Variants in MGRN1 observed in about 807,000 individuals in gnomAD.
MGRN1 encodes the protein mahogunin ring finger 1.
A neutral mutation model predicts 69.2 loss-of-function variants in MGRN1; 29 were observed. That is an observed-to-expected ratio of 0.42 (90% confidence interval 0.31 to 0.57). The LOEUF (loss-of-function observed/expected upper bound fraction) is 0.57, where lower values mean the gene tolerates loss of function less well. MGRN1 is among the 20% of genes least tolerant of loss of function. The probability of loss-of-function intolerance (pLI) is 0.15; values close to 1 mark genes in which losing one functional copy is unlikely to be tolerated. For synonymous variants in MGRN1, 470 were observed against 344.2 expected, an observed-to-expected ratio of 1.37 and a Z score of -4.04; for missense variants, 998 against 796.2, an observed-to-expected ratio of 1.25 and a Z score of -3.05.
At chr16:4,659,450 G>C (rs1010123512) in intron 5 of MGRN1, among the ~76,000 whole-genome samples, 4 of 152,204 alleles carry the variant, frequency 2.6e-5, no homozygotes, top group Non-Finnish European at 5.9e-5. Context: ...CAGGTGAGGT[G>C]GCCGGGGTAG....
chr16:4,666,546 A>G (rs564432022), intron 7 of MGRN1, among the ~76,000 whole-genome samples: 23 of 152,344 alleles, frequency 1.5e-4, no homozygotes, highest in East Asian at 7.7e-4. Flanking sequence ...GGCTCCCACA[A>G]GGAGGGCTGT....
intron 5 of MGRN1, among the ~76,000 whole-genome samples, chr16:4,663,682 G>T (rs1054463197): frequency 3.9e-5 from 6 of 152,166 alleles, no homozygotes; most frequent in African/African-American, 7.2e-5. Context: ...TGGTTGCCAG[G>T]GTATGAGCAA....
intron 16 of MGRN1, chr16:4,688,000 G>A (rs2079372322): frequency 1.0e-6 from 1 of 985,570 alleles, no homozygotes; most frequent in Non-Finnish European, 1.2e-6. Context: ...CACGATTCAG[G>A]TCAAGCTTCC....
chr16:4,682,742 G>C (rs1453300558), intron 13 of MGRN1, 81 bp from the exon 14 acceptor site: 2 of 1,415,974 alleles, frequency 1.4e-6, no homozygotes, highest in African/African-American at 2.9e-5. Context: ...GGGGCCCCCA[G>C]GTGCCCTGCA....
At chr16:4,683,142 G>C (rs2079227071) in intron 14 of MGRN1, 82 bp from the exon 15 acceptor site, 14 of 1,574,788 alleles carry the variant, frequency 8.9e-6, no homozygotes, top group Admixed American at 3.4e-5. Flanking sequence ...GGTCCCGGGA[G>C]GGCCGTGCCT....
chr16:4,673,526 G>C lies in MGRN1; in HGVS notation c.824G>C (p.Ser275Thr). The C allele has an allele frequency of 6.2e-7, 1 of 1,613,556 alleles. No individual in the cohort carries two copies. Among genetic ancestry groups the C allele is most frequent in the Non-Finnish European group, 8.5e-7 (1 of 1,179,986 alleles). Residue 275 changes from serine (S) to threonine (T), a missense_variant, in exon 10 of 17, where the codon AGC becomes ACC. Physicochemically the swap from Ser to Thr is moderately conservative, Grantham distance 58. Coordinates refer to ENST00000262370, the MANE Select transcript of MGRN1 (RefSeq NM_015246.4). ...TCGGACGACGAGAACAGCGACAACA[G>C]CAACGAGTGTGTGGTGTGCCTGTCC... The part of the protein sequence containing the change: ...KPSDDENSDN[S>T]NECVVCLSDL...
chr16:4,677,381 GT>G, intron 10 of MGRN1, 81 bp from the exon 11 acceptor site: 2 of 1,059,910 alleles, frequency 1.9e-6, no homozygotes, highest in Non-Finnish European at 2.6e-6. Context: ...TGTGGGGGGG[GT>G]GTTGATCCCT....
chr16:4,650,348 T>G lies in MGRN1; in HGVS notation c.89-17T>G. The G allele has an allele frequency of 6.4e-7, 1 of 1,573,340 alleles. No homozygotes were observed. Among genetic ancestry groups the G allele is most frequent in the South Asian group, 1.2e-5 (1 of 85,766 alleles). On this transcript the variant is annotated splice_polypyrimidine_tract_variant and intron_variant, in intron 1 of 16. Coordinates refer to ENST00000262370, the MANE Select transcript of MGRN1 (RefSeq NM_015246.4). ...AAAAAAAAAAAAATCTATAATCGTG[T>G]TTCCTTTTTTAAACAGGAAACTACT...
At chr16:4,655,544 A>G (rs920611338) in intron 4 of MGRN1, among the ~76,000 whole-genome samples, 1 of 151,602 alleles carries the variant, frequency 6.6e-6, no homozygotes, top group African/African-American at 2.4e-5. Context: ...AGCGGGGATC[A>G]CAGAGCAGGA....
chr16:4,640,869 G>A (rs899748130), intron 1 of MGRN1, among the ~76,000 whole-genome samples: 5 of 152,228 alleles, frequency 3.3e-5, no homozygotes, highest in Non-Finnish European at 7.3e-5. Flanking sequence ...GTCGGGGTGT[G>A]CGCCCCAGCT....
At position 4,689,626 on chromosome 16, in the gene MGRN1, C is replaced by T. The variant is rs529841105; in HGVS notation, c.*718C>T. The T allele has an allele frequency of 6.6e-6, 1 of 152,288 alleles. No homozygotes were observed. The highest frequency in any genetic ancestry group is 1.5e-5 in the Non-Finnish European group (1 of 68,070). 9.4% of individuals were successfully genotyped at this position (152,288 alleles called of 1,614,324 possible). On this transcript the variant is annotated 3_prime_UTR_variant, in exon 17 of 17. Transcript: ENST00000262370. ...GTGGCCTTGTCACCAAGCTCCACAC[C>T]TCCTCCTGGTGCTGGCTTTGGTGAC...
chr16:4,686,627 C>T (rs550354460), intron 16 of MGRN1: 16 of 1,165,686 alleles, frequency 1.4e-5, no homozygotes, highest in East Asian at 4.7e-5. Flanking sequence ...AGCCCAGGTG[C>T]GCCAGAGCCA....
chr16:4,682,720 C>T (rs2079216424), intron 13 of MGRN1, 103 bp from the exon 14 acceptor site: 2 of 1,322,118 alleles, frequency 1.5e-6, no homozygotes, highest in Non-Finnish European at 2.0e-6. Flanking sequence ...TGGGTCCTGG[C>T]AGGCGTGTGC....
At chr16:4,652,181 T>C in intron 3 of MGRN1, 130 bp downstream of exon 3, 1 of 808,808 alleles carries the variant, frequency 1.2e-6, no homozygotes, top group Non-Finnish European at 2.0e-6. Flanking sequence ...CCGTGTGGAA[T>C]GAGAGGCTGT....
chr16:4,681,195 G>A (rs2079174621), intron 12 of MGRN1, among the ~76,000 whole-genome samples: 1 of 152,182 alleles, frequency 6.6e-6, no homozygotes, highest in Non-Finnish European at 1.5e-5. Flanking sequence ...GCTTTGCTCT[G>A]CCCCCGCTCC....
rs753604222 is a variant in MGRN1 at position 4,677,544 on chromosome 16, C to T, written c.1037C>T (p.Ala346Val). ...LSPVSFSPVLAQSLEHDEHSC... is the reference protein window; with the variant it reads ...LSPVSFSPVLVQSLEHDEHSC... ...CCCGTGTCCTTCAGCCCCGTCCTGG[C>T]CCAGAGCCTGGAGCATGATGAGCAC... Residue 346 changes from alanine (A) to valine (V), a missense_variant, in exon 11 of 17, where the codon GCC becomes GTC. Ala to Val is a moderately conservative substitution (Grantham distance 64). Coordinates refer to ENST00000262370, the MANE Select transcript of MGRN1 (RefSeq NM_015246.4). The T allele has an allele frequency of 6.9e-6, 11 of 1,599,860 alleles. No individual in the cohort carries two copies. The East Asian group carries it at 1.6e-4, about 23-fold the overall frequency.
At chr16:4,675,937 C>T (rs1367075703) in intron 10 of MGRN1, among the ~76,000 whole-genome samples, 2 of 152,232 alleles carry the variant, frequency 1.3e-5, no homozygotes, top group Non-Finnish European at 2.9e-5. Flanking sequence ...TCAAAGTGCA[C>T]ATCCCACTGG....
rs375630510 is a variant in MGRN1, at chr16:4,664,750, C to G, written c.603C>G (p.Ile201Met). 8.1e-6 allele frequency: 13 copies of G among 1,614,102 alleles called. No individual in the cohort carries two copies. In the African/African-American group the frequency reaches 1.5e-4, roughly 18 times the overall value. The change falls in exon 6 of 17, where the codon ATC becomes ATG. Residue 201 changes from isoleucine to methionine, a missense_variant. By Grantham distance (10) the Ile-to-Met change is conservative (BLOSUM62 1). Coordinates refer to ENST00000262370, the MANE Select transcript of MGRN1 (RefSeq NM_015246.4). Reference sequence around the variant, plus strand: ...ACCGGGGCGTGTTTCCAGTAGTCATCCAGGCTGTGGTGGACGAAGGAGATG... The same window carrying G: ...ACCGGGGCGTGTTTCCAGTAGTCATGCAGGCTGTGGTGGACGAAGGAGATG... The part of the protein sequence containing the change: ...DLDRGVFPVV[I>M]QAVVDEGDVV...
At chr16:4,653,549 C>G (rs2078455731) in intron 4 of MGRN1, among the ~76,000 whole-genome samples, 2 of 151,860 alleles carry the variant, frequency 1.3e-5, no homozygotes, top group South Asian at 4.2e-4. Context: ...CGTGCAGTGG[C>G]ACAATCTTGG....
Sources: allele counts gnomAD v4.1 joint callset (sites outside exome capture counted in the v4.1 genomes callset), GRCh38; gene constraint gnomAD v4.1.1; transcripts MANE v1.5; gene names NCBI Gene and HGNC (gene_info 2026-07-23, HGNC 2026-07-21).